Variants in RIMS1 observed in about 807,000 individuals in gnomAD.
RIMS1 encodes the protein regulating synaptic membrane exocytosis 1, also known as regulating synaptic membrane exocytosis protein 1.
A neutral mutation model predicts 214.1 loss-of-function variants in RIMS1; 83 were observed. That is an observed-to-expected ratio of 0.39 (90% confidence interval 0.32 to 0.47). RIMS1 has a LOEUF of 0.47. RIMS1 is among the 20% of genes least tolerant of loss of function. The pLI, the probability that RIMS1 is intolerant of heterozygous loss-of-function variation, is 0.99. For synonymous variants in RIMS1, 793 were observed against 786.8 expected (o/e 1.01, Z -0.13); for missense variants, 2,050 against 2,161.8 (o/e 0.95, Z 1.03).
intron 31 of RIMS1, among the ~76,000 whole-genome samples, chr6:72,393,177 A>G (rs1163128567): frequency 1.3e-5 from 2 of 152,158 alleles, no homozygotes; most frequent in Non-Finnish European, 2.9e-5. Flanking sequence ...CGCCTACACA[A>G]CTTACCAAAA....
At chr6:72,398,125 A>G (rs2154456051) in intron 31 of RIMS1, 124 bp from the exon 32 acceptor site, 1 of 607,720 alleles carries the variant, frequency 1.6e-6, no homozygotes, top group East Asian at 2.8e-5. Flanking sequence ...AGGGGTCTAA[A>G]TATTAGTTTC....
At chr6:72,232,684 C>T (rs1024704352) in intron 6 of RIMS1, among the ~76,000 whole-genome samples, 6 of 151,506 alleles carry the variant, frequency 4.0e-5, no homozygotes, top group African/African-American at 1.5e-4. Context: ...GTATAAATAA[C>T]GTTTAAGGAA....
intron 6 of RIMS1, among the ~76,000 whole-genome samples, chr6:72,231,378 TGAAG>T (rs1485401392): frequency 7.3e-5 from 11 of 151,698 alleles, no homozygotes; most frequent in Admixed American, 6.6e-4. Flanking sequence ...ATTCAGAATA[TGAAG>T]GAAGTATAAT....
chr6:72,098,737 A>G (rs1051238962), intron 3 of RIMS1, among the ~76,000 whole-genome samples: 3 of 152,220 alleles, frequency 2.0e-5, no homozygotes, highest in Non-Finnish European at 4.4e-5. Context: ...TTAAATAAAA[A>G]TAACTAAAAT....
chr6:72,278,907 A>C (rs2088350533), intron 23 of RIMS1, among the ~76,000 whole-genome samples: 2 of 152,054 alleles, frequency 1.3e-5, no homozygotes. Flanking sequence ...AGACAGTATA[A>C]GCCATGTAAG....
intron 4 of RIMS1, among the ~76,000 whole-genome samples, chr6:72,111,525 G>A (rs772670518): frequency 2.6e-5 from 4 of 152,112 alleles, no homozygotes; most frequent in Non-Finnish European, 4.4e-5. Context: ...TAATATGGCT[G>A]TCTCTTAGAG....
At chr6:71,919,520 A>G (rs965569585) in intron 1 of RIMS1, among the ~76,000 whole-genome samples, 5 of 152,106 alleles carry the variant, frequency 3.3e-5, no homozygotes, top group African/African-American at 1.2e-4. Flanking sequence ...CTAGTAGGCA[A>G]TTTAAAATTT....
chr6:71,908,536 G>A lies in RIMS1; in HGVS notation c.164+21349G>A, dbSNP rs1775946837. On this transcript the variant is annotated intron_variant, in intron 1 of 33. Transcript: ENST00000521978. Reference sequence around the variant, plus strand: ...CTTCTTAGAGAGCCTTCCTGTCAGGGTGCAGTCAACTTCTCTAACTTTAAA... The same window carrying A: ...CTTCTTAGAGAGCCTTCCTGTCAGGATGCAGTCAACTTCTCTAACTTTAAA... Among the ~76,000 whole-genome samples, 6 of 152,168 alleles carry A rather than the reference G, an allele frequency of 3.9e-5. No individual in the cohort carries two copies. In the South Asian group the frequency reaches 1.2e-3, roughly 31 times the overall value.
intron 2 of RIMS1, among the ~76,000 whole-genome samples, chr6:72,068,153 A>AG (rs1829760665): frequency 6.7e-6 from 1 of 149,094 alleles, no homozygotes; most frequent in Non-Finnish European, 1.5e-5. Context: ...GCAGGGGACC[A>AG]ATTTTTTTGG....
rs114033516 is a variant in RIMS1, at chr6:72,200,403, T to C, written c.1678+17254T>C. ...TTATCTACATCTGCCCTGGGCCCTT[T>C]CCCACACAAGGTGAGGAACACACTT... On this transcript the variant is annotated intron_variant, in intron 6 of 33. Coordinates refer to ENST00000521978, the MANE Select transcript of RIMS1 (RefSeq NM_014989.7). Among the ~76,000 whole-genome samples the C allele has an allele frequency of 2.9e-3, 449 of 152,296 alleles. 1 individual carries two copies. The highest frequency in any genetic ancestry group is 0.01 in the African/African-American group (432 of 41,566).
intron 2 of RIMS1, among the ~76,000 whole-genome samples, chr6:72,005,027 C>T (rs1806902298): frequency 1.1e-4 from 16 of 151,224 alleles, no homozygotes; most frequent in Admixed American, 1.1e-3. Context: ...GTCTTTAATC[C>T]ATCTTGAATT....
At chr6:71,981,354 C>A (rs1320127834) in intron 2 of RIMS1, among the ~76,000 whole-genome samples, 1 of 152,086 alleles carries the variant, frequency 6.6e-6, no homozygotes, top group African/African-American at 2.4e-5. Flanking sequence ...TTCATTTACC[C>A]ACTAACTTCT....
intron 28 of RIMS1, among the ~76,000 whole-genome samples, chr6:72,331,595 T>A (rs1270280259): frequency 6.6e-6 from 1 of 151,794 alleles, no homozygotes; most frequent in Admixed American, 6.6e-5. Context: ...GATAATGCAT[T>A]CAAATATGTT....
intron 1 of RIMS1, among the ~76,000 whole-genome samples, chr6:71,941,026 TGAG>T (rs1038616956): frequency 1.3e-5 from 2 of 152,178 alleles, no homozygotes; most frequent in Non-Finnish European, 2.9e-5. Flanking sequence ...TTAGTCAAGT[TGAG>T]GAGAACCTTA....
At chr6:72,247,881 C>T in intron 11 of RIMS1, 134 bp from the exon 12 acceptor site, 1 of 631,556 alleles carries the variant, frequency 1.6e-6, no homozygotes. Context: ...TAAAGACAAT[C>T]TATCCCATTA....
chr6:72,247,344 G>A (rs1385522759), intron 11 of RIMS1, among the ~76,000 whole-genome samples: 1 of 151,978 alleles, frequency 6.6e-6, no homozygotes, highest in Non-Finnish European at 1.5e-5. Context: ...TTCGAGACCA[G>A]CCTCAACATG....
chr6:72,347,941 C>T (rs1546914), intron 29 of RIMS1, among the ~76,000 whole-genome samples: 41,528 of 151,694 alleles, frequency 0.27, 5,991 homozygotes, highest in African/African-American at 0.34. Flanking sequence ...GTAATGACCA[C>T]GCAACAGGTT....
chr6:72,162,197 C>G (rs1444279990), intron 4 of RIMS1, among the ~76,000 whole-genome samples: 1 of 140,490 alleles, frequency 7.1e-6, no homozygotes. Context: ...TTATCAGAGA[C>G]CAGGATTGCA....
intron 22 of RIMS1, among the ~76,000 whole-genome samples, chr6:72,270,806 A>G (rs982599285): frequency 2.6e-5 from 4 of 152,154 alleles, no homozygotes; most frequent in Non-Finnish European, 4.4e-5. Context: ...ATTCTTTACC[A>G]TGGTCACCTA....
Sources: gnomAD v4.1 joint callset for allele counts (sites outside exome capture counted in the v4.1 genomes callset) on GRCh38, gnomAD v4.1.1 for gene constraint, MANE v1.5 for transcripts, NCBI Gene and HGNC (gene_info 2026-07-23, HGNC 2026-07-21) for gene names.